CLTCL1: variants seen among roughly 807,000 people sequenced by gnomAD.
CLTCL1 encodes the protein clathrin heavy chain 2.
A neutral mutation model predicts 190.0 loss-of-function variants in CLTCL1; 159 were observed. The observed-to-expected ratio is 0.84, with a 90% confidence interval of 0.74 to 0.95. CLTCL1 has a LOEUF of 0.95. Ranked by LOEUF, CLTCL1 falls within the 40% of genes least tolerant of loss-of-function variation. The pLI is 0.00. For synonymous variants in CLTCL1, 752 were observed against 769.6 expected (o/e 0.98, Z 0.38); for missense variants, 1,878 against 2,033.4 (o/e 0.92, Z 1.47).
At chr22:19,181,405 A>C (rs1192600757) in intron 30 of CLTCL1, 3 of 152,970 alleles carry the variant, frequency 2.0e-5, no homozygotes, top group African/African-American at 7.2e-5. Context: ...GGCGGCAGCA[A>C]CTGTGCAGCT....
At position 19,199,860 on chromosome 22, in the gene CLTCL1, G is replaced by A; in HGVS notation, c.3766-19C>T. 6.4e-7 allele frequency: 1 copy of A among 1,553,678 alleles called. No individual in the cohort carries two copies. The highest frequency in any genetic ancestry group is 1.9e-5 in the Admixed American group (1 of 53,458). ...AGCACACCTAGGGGACGGAGGGCAA[G>A]CGTGAGGGTCCCCAAGACAGGACAC... On this transcript the variant is annotated intron_variant, in intron 23 of 32. Coordinates refer to ENST00000427926, the MANE Select transcript of CLTCL1 (RefSeq NM_007098.4).
chr22:19,234,283 A>T (rs1001310684), intron 7 of CLTCL1, among the ~76,000 whole-genome samples: 4 of 152,230 alleles, frequency 2.6e-5, no homozygotes, highest in Non-Finnish European at 5.9e-5. Context: ...AGAGGTACGT[A>T]TGCACACAAA....
At chr22:19,240,812 G>C (rs1413966561) in intron 4 of CLTCL1, among the ~76,000 whole-genome samples, 1 of 152,208 alleles carries the variant, frequency 6.6e-6, no homozygotes, top group Non-Finnish European at 1.5e-5. Flanking sequence ...TCTTGCTCGG[G>C]AGCTGAGAAG....
intron 19 of CLTCL1, among the ~76,000 whole-genome samples, chr22:19,214,828 C>T (rs2085335894): frequency 6.6e-6 from 1 of 152,064 alleles, no homozygotes; most frequent in Admixed American, 6.6e-5. Context: ...TTACAGGCAC[C>T]TGCCATCATG....
intron 26 of CLTCL1, among the ~76,000 whole-genome samples, chr22:19,193,032 A>C (rs2049709020): frequency 6.6e-6 from 1 of 152,200 alleles, no homozygotes; most frequent in Non-Finnish European, 1.5e-5. Flanking sequence ...ACTCAAGTTC[A>C]TCTTCTGTGG....
Position 19,240,271 on chromosome 22 carries a change from T to C in CLTCL1, c.682-883A>G, listed in dbSNP as rs1032072852. ...AGCCACCACGCCCAGCCACCATAAC[T>C]TTCATCTAAAGAAAAAATATTATAA... On this transcript the variant is annotated intron_variant, in intron 4 of 32. Transcript: ENST00000427926. Among the ~76,000 whole-genome samples the C allele has an allele frequency of 3.2e-4, 48 of 152,034 alleles. 1 individual carries two copies. The highest frequency in any genetic ancestry group is 1.2e-3 in the African/African-American group (48 of 41,388).
chr22:19,197,559 C>T (rs1034554464), intron 24 of CLTCL1, among the ~76,000 whole-genome samples: 11 of 152,168 alleles, frequency 7.2e-5, no homozygotes, highest in Admixed American at 1.3e-4. Flanking sequence ...CCTCTTGACC[C>T]GATGTCCCTG....
chr22:19,234,298 G>T (rs959302568), intron 7 of CLTCL1, among the ~76,000 whole-genome samples: 13 of 152,214 alleles, frequency 8.5e-5, no homozygotes, highest in Admixed American at 2.0e-4. Flanking sequence ...CACAAAGTGG[G>T]AGGCGTGAAG....
At chr22:19,265,515 CTCT>C (rs1269966706) in intron 2 of CLTCL1, among the ~76,000 whole-genome samples, 1 of 151,816 alleles carries the variant, frequency 6.6e-6, no homozygotes, top group Non-Finnish European at 1.5e-5. Context: ...ATCTTATTTT[CTCT>C]TTTTTAATAT....
At chr22:19,250,116 T>C (rs2086545475) in intron 3 of CLTCL1, 1 of 216,226 alleles carries the variant, frequency 4.6e-6, no homozygotes, top group South Asian at 6.6e-5. Context: ...TAGCTGAGCA[T>C]AGTGGCACAC....
At chr22:19,268,133 T>A (rs1555978757) in intron 2 of CLTCL1, among the ~76,000 whole-genome samples, 1 of 152,172 alleles carries the variant, frequency 6.6e-6, no homozygotes, top group Non-Finnish European at 1.5e-5. Context: ...CAAGCCCTCA[T>A]GTTCTCACAA....
intron 2 of CLTCL1, among the ~76,000 whole-genome samples, chr22:19,267,070 A>G (rs2087144127): frequency 6.6e-6 from 1 of 152,220 alleles, no homozygotes; most frequent in African/African-American, 2.4e-5. Flanking sequence ...AACATGATAC[A>G]GTATGTAGAA....
intron 26 of CLTCL1, among the ~76,000 whole-genome samples, chr22:19,192,267 G>C (rs187722371): frequency 6.6e-6 from 1 of 152,058 alleles, no homozygotes; most frequent in Admixed American, 6.5e-5. Context: ...GGGTTTCACC[G>C]TGTTAGCCAG....
At chr22:19,272,964 G>A (rs1272554593) in intron 2 of CLTCL1, among the ~76,000 whole-genome samples, 3 of 152,060 alleles carry the variant, frequency 2.0e-5, no homozygotes, top group Non-Finnish European at 4.4e-5. Context: ...AGGGAGGTCC[G>A]AGAGCTGCTT....
At chr22:19,267,836 A>C (rs1316566550) in intron 2 of CLTCL1, among the ~76,000 whole-genome samples, 2 of 152,034 alleles carry the variant, frequency 1.3e-5, no homozygotes, top group African/African-American at 4.8e-5. Context: ...CAGAGGTTGC[A>C]GTGAGCCAAG....
intron 2 of CLTCL1, among the ~76,000 whole-genome samples, chr22:19,262,136 C>T (rs1241126563): frequency 2.0e-5 from 3 of 151,952 alleles, no homozygotes; most frequent in African/African-American, 7.2e-5. Flanking sequence ...AGCGATTCTC[C>T]TGCCTCAGCC....
chr22:19,251,363 T>C (rs1024144006), intron 3 of CLTCL1, among the ~76,000 whole-genome samples: 2 of 152,198 alleles, frequency 1.3e-5, no homozygotes, highest in East Asian at 3.8e-4. Flanking sequence ...GTTCTAATAG[T>C]TTTTTACTAG....
intron 1 of CLTCL1, among the ~76,000 whole-genome samples, chr22:19,278,684 T>C (rs1364782449): frequency 1.3e-5 from 2 of 152,190 alleles, no homozygotes; most frequent in Non-Finnish European, 2.9e-5. Flanking sequence ...TGCTGGCTTA[T>C]ACAACAACAT....
At chr22:19,250,612 G>T (rs1233824814) in intron 3 of CLTCL1, among the ~76,000 whole-genome samples, 1 of 151,784 alleles carries the variant, frequency 6.6e-6, no homozygotes, top group Non-Finnish European at 1.5e-5. Context: ...GGAGTGTAGT[G>T]GTGCAATCTC....
Sources: allele counts gnomAD v4.1 joint callset (sites outside exome capture counted in the v4.1 genomes callset), GRCh38; gene constraint gnomAD v4.1.1; transcripts MANE v1.5; gene names NCBI Gene and HGNC (gene_info 2026-07-23, HGNC 2026-07-21).